Variants in UVRAG observed in about 807,000 individuals in gnomAD.
UVRAG encodes the protein UV radiation resistance-associated gene protein.
In UVRAG, 19 loss-of-function variants were observed where a neutral mutation model predicts 78.0. That is an observed-to-expected ratio of 0.24 (90% CI 0.17 to 0.36). The LOEUF (loss-of-function observed/expected upper bound fraction) is 0.36, where lower values mean the gene tolerates loss of function less well. UVRAG is among the 10% of genes least tolerant of loss of function. The pLI, the probability that UVRAG is intolerant of heterozygous loss-of-function variation, is 1.00. For synonymous variants in UVRAG, 323 were observed against 324.6 expected (o/e 1.00, Z 0.05); for missense variants, 740 against 853.8 (o/e 0.87, Z 1.66).
At chr11:75,954,535 C>T (rs1186099242) in intron 6 of UVRAG, among the ~76,000 whole-genome samples, 4 of 152,118 alleles carry the variant, frequency 2.6e-5, no homozygotes, top group South Asian at 2.1e-4. Flanking sequence ...TATTTTGATA[C>T]ACTATTTTGA....
intron 1 of UVRAG, among the ~76,000 whole-genome samples, chr11:75,831,616 G>C (rs561861144): frequency 6.5e-4 from 99 of 152,274 alleles, no homozygotes; most frequent in African/African-American, 2.3e-3. Context: ...GGAAATGCAT[G>C]CTAGCAGAGG....
intron 12 of UVRAG, among the ~76,000 whole-genome samples, chr11:76,017,828 C>T (rs1478409315): frequency 6.6e-6 from 1 of 152,060 alleles, no homozygotes; most frequent in African/African-American, 2.4e-5. Context: ...AAAGATATTT[C>T]AGACCATCAA....
At chr11:76,109,669 C>CTGAA (rs1417978699) in intron 13 of UVRAG, among the ~76,000 whole-genome samples, 1 of 152,206 alleles carries the variant, frequency 6.6e-6, no homozygotes, top group African/African-American at 2.4e-5. Flanking sequence ...TAAATATTTG[C>CTGAA]TGAATGAATG....
chr11:75,887,710 G>A (rs566211249), intron 4 of UVRAG, among the ~76,000 whole-genome samples: 39 of 152,288 alleles, frequency 2.6e-4, no homozygotes, highest in Non-Finnish European at 4.3e-4. Context: ...GCCTCCCAAA[G>A]TGCTGGGATT....
intron 1 of UVRAG, among the ~76,000 whole-genome samples, chr11:75,828,527 A>C (rs1284113241): frequency 6.6e-6 from 1 of 150,602 alleles, no homozygotes; most frequent in East Asian, 1.9e-4. Context: ...CCCAGGTTGG[A>C]ATGCAGTGGC....
chr11:76,046,016 G>GA (rs888074359), intron 12 of UVRAG, among the ~76,000 whole-genome samples: 12 of 150,014 alleles, frequency 8.0e-5, no homozygotes, highest in Admixed American at 2.0e-4. Flanking sequence ...AGCTTGCAGA[G>GA]AAAAAAAAAT....
intron 6 of UVRAG, among the ~76,000 whole-genome samples, chr11:75,932,028 C>CT (rs11372986): frequency 0.11 from 15,982 of 151,808 alleles, 1,620 homozygotes; most frequent in African/African-American, 0.27. Flanking sequence ...GATGGTTTGT[C>CT]TTTTTTTTCT....
chr11:75,924,053 C>T (rs1208075024), intron 6 of UVRAG, among the ~76,000 whole-genome samples: 2 of 150,128 alleles, frequency 1.3e-5, no homozygotes, highest in Non-Finnish European at 2.9e-5. Context: ...GGACTATATA[C>T]GTTCAGGGAA....
At chr11:75,935,888 C>A (rs1416053210) in intron 6 of UVRAG, among the ~76,000 whole-genome samples, 1 of 152,180 alleles carries the variant, frequency 6.6e-6, no homozygotes, top group East Asian at 1.9e-4. Context: ...ATTCAAGTTT[C>A]TTCAGCTGTC....
intron 8 of UVRAG, among the ~76,000 whole-genome samples, chr11:75,992,850 G>A (rs892852961): frequency 2.0e-5 from 3 of 152,158 alleles, no homozygotes; most frequent in Admixed American, 6.5e-5. Context: ...TTTGCTCAAC[G>A]AAGGTGAAAA....
intron 3 of UVRAG, among the ~76,000 whole-genome samples, chr11:75,877,551 G>C (rs1946822285): frequency 1.4e-5 from 2 of 145,012 alleles, no homozygotes; most frequent in Non-Finnish European, 3.0e-5. Context: ...GGCTGGCCGG[G>C]CGGGGGGCTG....
chr11:76,008,077 A>AT (rs1949983498), intron 10 of UVRAG, among the ~76,000 whole-genome samples: 1 of 151,638 alleles, frequency 6.6e-6, no homozygotes. Flanking sequence ...TGCCTGGCTA[A>AT]TTTTTTTGTA....
At chr11:76,054,384 T>C (rs982246963) in intron 12 of UVRAG, among the ~76,000 whole-genome samples, 2 of 152,212 alleles carry the variant, frequency 1.3e-5, no homozygotes, top group Non-Finnish European at 2.9e-5. Flanking sequence ...TAGCCTCCCC[T>C]TGTTTCTTTT....
At chr11:76,099,059 ATCT>A (rs1489231444) in intron 13 of UVRAG, among the ~76,000 whole-genome samples, 1 of 152,120 alleles carries the variant, frequency 6.6e-6, no homozygotes, top group Non-Finnish European at 1.5e-5. Flanking sequence ...CATTCAGCTC[ATCT>A]TCTTTCAGAT....
Position 75,958,376 on chromosome 11 carries a change from G to A in UVRAG, c.594-3068G>A, listed in dbSNP as rs75819318. Among the ~76,000 whole-genome samples, 227 of 152,194 alleles carry A rather than the reference G, an allele frequency of 1.5e-3. 5 individuals are homozygous for A. The East Asian group carries it at 0.033, about 22-fold the overall frequency. On this transcript the variant is annotated intron_variant, in intron 6 of 14. Transcript: ENST00000356136. Reference sequence around the variant, plus strand: ...TGTTTTATCAACTAAGTTTATGATGGCGTAAATTTTTTGTTGTCATTTCAA... The same window carrying A: ...TGTTTTATCAACTAAGTTTATGATGACGTAAATTTTTTGTTGTCATTTCAA...
intron 3 of UVRAG, among the ~76,000 whole-genome samples, chr11:75,864,498 C>T (rs1310178570): frequency 6.6e-6 from 1 of 152,230 alleles, no homozygotes; most frequent in African/African-American, 2.4e-5. Context: ...GTTGTTACTG[C>T]CCTTCTTGCT....
chr11:75,908,016 T>G (rs1383781707), intron 5 of UVRAG, among the ~76,000 whole-genome samples: 2 of 152,310 alleles, frequency 1.3e-5, no homozygotes, highest in East Asian at 1.9e-4. Flanking sequence ...ATCCATGTAT[T>G]TCATCTTGCA....
At position 76,086,721 on chromosome 11, in the gene UVRAG, A is replaced by T. The variant is rs113649882; in HGVS notation, c.1305+20933A>T. 6.9e-3 allele frequency among the ~76,000 whole-genome samples: 1,058 copies of T among 152,348 alleles called. 17 individuals carry two copies. The highest frequency in any genetic ancestry group is 0.024 in the African/African-American group (1,013 of 41,576). The stretch of plus-strand genomic sequence containing the variant: ...GCATAACAGACTTAACAAAATCTAG[A>T]CAGACAAATTGCTAGTTTAGAAATG... On this transcript the variant is annotated intron_variant, in intron 13 of 14. Transcript: ENST00000356136.
intron 12 of UVRAG, among the ~76,000 whole-genome samples, chr11:76,047,270 G>A (rs1278300644): frequency 2.0e-5 from 3 of 152,168 alleles, no homozygotes; most frequent in Non-Finnish European, 4.4e-5. Context: ...ATCTGAAGAG[G>A]AGGTTCAGTG....
Sources: gnomAD v4.1 joint callset for allele counts (sites outside exome capture counted in the v4.1 genomes callset) on GRCh38, gnomAD v4.1.1 for gene constraint, MANE v1.5 for transcripts, NCBI Gene and HGNC (gene_info 2026-07-23, HGNC 2026-07-21) for gene names.